ARPP21: variants seen among roughly 807,000 people sequenced by gnomAD.
ARPP21 encodes the protein cAMP regulated phosphoprotein 21.
Under a neutral mutation model 113.2 loss-of-function variants are expected in ARPP21, and 69 were observed. The observed-to-expected ratio is 0.61, with a 90% confidence interval of 0.50 to 0.74. The LOEUF (loss-of-function observed/expected upper bound fraction) is 0.74, where lower values mean the gene tolerates loss of function less well. Among genes scored for constraint, ARPP21 ranks in the 30% least tolerant of loss-of-function variants. The pLI is 0.00. For synonymous variants in ARPP21, 368 were observed against 375.5 expected, an observed-to-expected ratio of 0.98 and a Z score of 0.23; for missense variants, 1,070 against 1,037.4, an observed-to-expected ratio of 1.03 and a Z score of -0.43.
chr3:35,718,392 ACTT>A (rs1284410065), intron 13 of ARPP21, among the ~76,000 whole-genome samples: 1 of 152,156 alleles, frequency 6.6e-6, no homozygotes. Flanking sequence ...ATAACTTTGC[ACTT>A]CTTTTGAAAA....
intron 19 of ARPP21, among the ~76,000 whole-genome samples, chr3:35,772,009 A>G (rs1470001385): frequency 6.6e-6 from 1 of 152,184 alleles, no homozygotes; most frequent in Non-Finnish European, 1.5e-5. Flanking sequence ...TATTTTTTTT[A>G]ACAACTTAAT....
rs565164581 is a variant in ARPP21, at chr3:35,663,247, G to C, written c.-212-16540G>C. 2.0e-5 allele frequency among the ~76,000 whole-genome samples: 3 copies of C among 151,812 alleles called. No homozygotes were observed. The South Asian group carries it at 6.3e-4, about 32-fold the overall frequency. On this transcript the variant is annotated intron_variant, in intron 1 of 20. Coordinates refer to ENST00000684406, the MANE Select transcript of ARPP21 (RefSeq NM_001385562.1). Reference sequence around the variant, plus strand: ...TGTGTATTGCTGCTAGGGAGAAAAGGCTTCACTGGATTTGGGTCAGTTTTT... The same window carrying C: ...TGTGTATTGCTGCTAGGGAGAAAAGCCTTCACTGGATTTGGGTCAGTTTTT...
chr3:35,687,681 G>A (rs1014897667), intron 5 of ARPP21, 58 bp from the exon 6 acceptor site: 1 of 1,491,486 alleles, frequency 6.7e-7, no homozygotes, highest in East Asian at 2.3e-5. Context: ...ATGCAAAATG[G>A]GAGCCAGACA....
intron 19 of ARPP21, among the ~76,000 whole-genome samples, chr3:35,774,149 C>A (rs1234487128): frequency 6.6e-6 from 1 of 152,136 alleles, no homozygotes; most frequent in African/African-American, 2.4e-5. Context: ...AGGTGCAGTG[C>A]TGTGCGCCTA....
chr3:35,764,396 A>G (rs2095879063), intron 19 of ARPP21, among the ~76,000 whole-genome samples: 1 of 152,200 alleles, frequency 6.6e-6, no homozygotes, highest in Non-Finnish European at 1.5e-5. Context: ...AAAGTTGTCA[A>G]CTACATAAAG....
Position 35,712,496 on chromosome 3 carries a change from T to A in ARPP21, c.898-2943T>A, listed in dbSNP as rs561214024. Among the ~76,000 whole-genome samples the A allele has an allele frequency of 2.0e-5, 3 of 151,652 alleles. No homozygotes were observed. The East Asian group carries it at 5.8e-4, about 29-fold the overall frequency. The stretch of plus-strand genomic sequence containing the variant: ...CATTCTTGAATATTTTCCAAATATA[T>A]CTTGGTGTCTAAGGTGTCTGTGTGT... On this transcript the variant is annotated intron_variant, in intron 11 of 20. Coordinates refer to ENST00000684406, the MANE Select transcript of ARPP21 (RefSeq NM_001385562.1).
At chr3:35,772,035 G>A (rs1233029939) in intron 19 of ARPP21, among the ~76,000 whole-genome samples, 2 of 151,966 alleles carry the variant, frequency 1.3e-5, no homozygotes, top group African/African-American at 4.8e-5. Context: ...ATTTGGTTCA[G>A]GCTTAATATT....
At chr3:35,727,066 T>G (rs958132817) in intron 14 of ARPP21, among the ~76,000 whole-genome samples, 2 of 152,232 alleles carry the variant, frequency 1.3e-5, no homozygotes. Flanking sequence ...TTACATTTTT[T>G]ATTTTTTCTC....
intron 1 of ARPP21, among the ~76,000 whole-genome samples, chr3:35,649,088 G>T (rs902622470): frequency 3.3e-5 from 5 of 152,090 alleles, no homozygotes; most frequent in African/African-American, 1.2e-4. Context: ...AGCAGTTCTT[G>T]GCTAGTATAG....
chr3:35,728,910 C>G (rs2093749018), intron 14 of ARPP21, among the ~76,000 whole-genome samples: 1 of 152,122 alleles, frequency 6.6e-6, no homozygotes. Flanking sequence ...ACCACAATCC[C>G]TGTCATTTTA....
chr3:35,664,813 C>A (rs1322337966), intron 1 of ARPP21, among the ~76,000 whole-genome samples: 2 of 152,286 alleles, frequency 1.3e-5, no homozygotes, highest in East Asian at 3.9e-4. Context: ...CTGCTGCCAA[C>A]TCCCAGCAGC....
chr3:35,704,168 C>T (rs908716548), intron 9 of ARPP21, among the ~76,000 whole-genome samples: 1 of 151,718 alleles, frequency 6.6e-6, no homozygotes, highest in Non-Finnish European at 1.5e-5. Context: ...ATAATTTGAA[C>T]TATTAAATTC....
chr3:35,698,998 C>T (rs928216664), intron 9 of ARPP21, among the ~76,000 whole-genome samples: 11 of 151,588 alleles, frequency 7.3e-5, no homozygotes, highest in African/African-American at 2.2e-4. Flanking sequence ...TTCGGTACTG[C>T]GCTTTGAACA....
intron 19 of ARPP21, among the ~76,000 whole-genome samples, chr3:35,744,233 C>G (rs1380394425): frequency 1.3e-5 from 2 of 152,212 alleles, no homozygotes; most frequent in African/African-American, 4.8e-5. Context: ...AGCAGAAAGT[C>G]AACCATGTCC....
At chr3:35,745,544 A>T (rs2094976094) in intron 19 of ARPP21, among the ~76,000 whole-genome samples, 1 of 152,250 alleles carries the variant, frequency 6.6e-6, no homozygotes, top group South Asian at 2.1e-4. Context: ...TCATACAAAG[A>T]AACGCAGTTA....
chr3:35,793,725 G>A lies in ARPP21; in HGVS notation c.2311G>A (p.Gly771Arg). The A allele has an allele frequency of 6.2e-7, 1 of 1,613,316 alleles. No individual in the cohort carries two copies. ...GGTGCCAATGACCCAGGGTTCTCAA[G>A]GACTGCCCCAGCAGTCATACCAACA... Reference protein sequence around the residue: ...YQVPMTQGSQGLPQQSYQQPI... With the variant: ...YQVPMTQGSQRLPQQSYQQPI... The change falls in exon 21 of 21, where the codon GGA (glycine) becomes AGA (arginine). Residue 771 changes from glycine (G) to arginine (R), a missense_variant. Physicochemically the swap from Gly to Arg is moderately radical, Grantham distance 125 (BLOSUM62 -2). Transcript: ENST00000684406.
At chr3:35,677,120 G>A (rs1368756485) in intron 1 of ARPP21, among the ~76,000 whole-genome samples, 1 of 151,824 alleles carries the variant, frequency 6.6e-6, no homozygotes, top group Non-Finnish European at 1.5e-5. Flanking sequence ...CATAAATATT[G>A]TGAAGAAAGT....
At chr3:35,779,912 C>T (rs1024416845) in intron 19 of ARPP21, among the ~76,000 whole-genome samples, 3 of 152,088 alleles carry the variant, frequency 2.0e-5, no homozygotes, top group Non-Finnish European at 4.4e-5. Flanking sequence ...TTGCCCCATG[C>T]CAAAATCAAG....
At chr3:35,666,028 C>T (rs941021404) in intron 1 of ARPP21, among the ~76,000 whole-genome samples, 24 of 152,010 alleles carry the variant, frequency 1.6e-4, no homozygotes, top group Middle Eastern at 3.2e-3. Context: ...TCCAACCTTA[C>T]GGTTCAAAGA....
Sources: allele counts gnomAD v4.1 joint callset (sites outside exome capture counted in the v4.1 genomes callset), GRCh38; gene constraint gnomAD v4.1.1; transcripts MANE v1.5; gene names NCBI Gene and HGNC (gene_info 2026-07-23, HGNC 2026-07-21).